PTPRT: variants seen among roughly 807,000 people sequenced by gnomAD.
The protein encoded by PTPRT is protein tyrosine phosphatase receptor type T.
A neutral mutation model predicts 176.8 loss-of-function variants in PTPRT; 56 were observed. The observed-to-expected ratio is 0.32, with a 90% CI of 0.26 to 0.40. The LOEUF (loss-of-function observed/expected upper bound fraction) is 0.40, where lower values mean the gene tolerates loss of function less well. PTPRT is among the 10% of genes least tolerant of loss of function. The pLI is 1.00. For synonymous variants in PTPRT, 783 were observed against 739.0 expected (o/e 1.06, Z -0.96); for missense variants, 1,540 against 1,908.2 (o/e 0.81, Z 3.60).
intron 17 of PTPRT, among the ~76,000 whole-genome samples, chr20:42,158,597 C>T (rs972163053): frequency 6.6e-6 from 1 of 152,120 alleles, no homozygotes; most frequent in Non-Finnish European, 1.5e-5. Flanking sequence ...ATCTGTGACT[C>T]CTATGCTCAG....
At chr20:42,558,221 A>G (rs577828524) in intron 7 of PTPRT, among the ~76,000 whole-genome samples, 2 of 152,138 alleles carry the variant, frequency 1.3e-5, no homozygotes, top group South Asian at 4.1e-4. Flanking sequence ...CCTCCCACTT[A>G]TAAGTGACAA....
intron 27 of PTPRT, among the ~76,000 whole-genome samples, chr20:42,096,127 C>G (rs1231655094): frequency 1.3e-5 from 2 of 152,188 alleles, no homozygotes; most frequent in Non-Finnish European, 2.9e-5. Context: ...AGTCCTCTCA[C>G]CTCCTGGCCA....
intron 17 of PTPRT, among the ~76,000 whole-genome samples, chr20:42,160,372 G>A (rs577686407): frequency 3.3e-5 from 5 of 152,272 alleles, no homozygotes; most frequent in Non-Finnish European, 5.9e-5. Context: ...TCAGAAAAAC[G>A]TCTTAATGCA....
At chr20:42,752,182 C>A (rs1490146453) in intron 6 of PTPRT, among the ~76,000 whole-genome samples, 1 of 152,204 alleles carries the variant, frequency 6.6e-6, no homozygotes, top group Non-Finnish European at 1.5e-5. Flanking sequence ...CCTGTCCCCA[C>A]CCATGGAGTC....
At chr20:42,639,554 G>A (rs571486920) in intron 7 of PTPRT, among the ~76,000 whole-genome samples, 64 of 152,144 alleles carry the variant, frequency 4.2e-4, no homozygotes, top group African/African-American at 1.5e-3. Context: ...GGACACAGGA[G>A]GGTACATTCC....
intron 2 of PTPRT, among the ~76,000 whole-genome samples, chr20:42,809,963 C>T (rs1271894874): frequency 6.6e-6 from 1 of 152,140 alleles, no homozygotes; most frequent in East Asian, 1.9e-4. Context: ...GTAAATGTCA[C>T]TTACCCTCAT....
intron 4 of PTPRT, among the ~76,000 whole-genome samples, chr20:42,774,261 A>G (rs898485315): frequency 2.0e-5 from 3 of 152,194 alleles, no homozygotes; most frequent in Non-Finnish European, 2.9e-5. Flanking sequence ...CTTGAGAAAA[A>G]TAAAGATTTC....
intron 9 of PTPRT, among the ~76,000 whole-genome samples, chr20:42,408,754 C>T (rs550334529): frequency 1.3e-5 from 2 of 152,226 alleles, no homozygotes; most frequent in East Asian, 3.9e-4. Context: ...CTGCCTTCTG[C>T]TGCTATAAAA....
chr20:42,032,375 A>G, the PTPRT span, among the ~76,000 whole-genome samples: 1 of 152,290 alleles, frequency 6.6e-6, no homozygotes, highest in South Asian at 2.1e-4. Flanking sequence ...TGGGCGAACA[A>G]ACTTATTTCA....
intron 1 of PTPRT, among the ~76,000 whole-genome samples, chr20:42,951,868 T>C (rs1981273732): frequency 6.6e-6 from 1 of 152,144 alleles, no homozygotes; most frequent in African/African-American, 2.4e-5. Flanking sequence ...TTGTGGATAA[T>C]TGTACCTATC....
At chr20:42,851,357 C>T (rs1259320365) in intron 2 of PTPRT, among the ~76,000 whole-genome samples, 8 of 152,248 alleles carry the variant, frequency 5.3e-5, no homozygotes, top group East Asian at 3.9e-4. Context: ...CTTTTAACAA[C>T]GCTGATTTCT....
chr20:42,858,198 T>C (rs1451620539), intron 2 of PTPRT, among the ~76,000 whole-genome samples: 2 of 152,186 alleles, frequency 1.3e-5, no homozygotes, highest in African/African-American at 4.8e-5. Flanking sequence ...AAAATAAAAT[T>C]ACTCTGACAC....
intron 1 of PTPRT, among the ~76,000 whole-genome samples, chr20:43,120,625 G>T (rs1242361719): frequency 6.6e-6 from 1 of 152,168 alleles, no homozygotes; most frequent in Non-Finnish European, 1.5e-5. Flanking sequence ...ATCTACTTCT[G>T]TACTGGAGGA....
chr20:42,276,017 CTA>C (rs894182302), intron 13 of PTPRT, among the ~76,000 whole-genome samples: 33 of 152,292 alleles, frequency 2.2e-4, no homozygotes, highest in South Asian at 1.5e-3. Flanking sequence ...TTCCAATAGA[CTA>C]TCTCACTAGA....
At chr20:42,396,027 C>T (rs1305954309) in intron 9 of PTPRT, among the ~76,000 whole-genome samples, 1 of 152,154 alleles carries the variant, frequency 6.6e-6, no homozygotes, top group Non-Finnish European at 1.5e-5. Context: ...CTCTACTTCT[C>T]CCCTGAACTC....
chr20:42,515,552 T>C (rs1489389344), intron 7 of PTPRT, among the ~76,000 whole-genome samples: 1 of 152,176 alleles, frequency 6.6e-6, no homozygotes, highest in Non-Finnish European at 1.5e-5. Context: ...ATTATACTTA[T>C]TATCATTTTT....
At chr20:42,033,173 A>G in the PTPRT span, among the ~76,000 whole-genome samples, 1 of 152,176 alleles carries the variant, frequency 6.6e-6, no homozygotes, top group Non-Finnish European at 1.5e-5. Context: ...ATCACTCTGC[A>G]GACATTTTGG....
rs540930389 is a variant in PTPRT at position 43,059,377 on chromosome 20, A to G, written c.88+130269T>C. ...GGAGGAGCCAAGGCATACCTTCAAC[A>G]TTTTGCTTAGAAAGAGCTTCAGCTA... On this transcript the variant is annotated intron_variant, in intron 1 of 30. Transcript: ENST00000373187. Among the ~76,000 whole-genome samples, 16 of 152,296 alleles carry G rather than the reference A, an allele frequency of 1.1e-4. No homozygotes were observed. In the South Asian group the frequency reaches 3.3e-3, roughly 32 times the overall value.
chr20:42,079,870 A>G lies in PTPRT; in HGVS notation c.*1009T>C, dbSNP rs1001108242. On this transcript the variant is annotated 3_prime_UTR_variant, in exon 31 of 31. Coordinates refer to ENST00000373187, the MANE Select transcript of PTPRT (RefSeq NM_007050.6). Reference sequence around the variant, plus strand: ...GGGAGCTTTTAAGGACATTGCCAGGAAAAAATAAAAGGCCCGAGAGATTTG... The same window carrying G: ...GGGAGCTTTTAAGGACATTGCCAGGGAAAAATAAAAGGCCCGAGAGATTTG... The G allele has an allele frequency of 4.3e-6, 1 of 231,902 alleles. No homozygotes were observed. Among genetic ancestry groups the G allele is most frequent in the African/African-American group, 2.2e-5 (1 of 45,270 alleles). 14.4% of individuals were successfully genotyped at this position (231,902 alleles called of 1,614,324 possible).
Sources: gnomAD v4.1 joint callset for allele counts (sites outside exome capture counted in the v4.1 genomes callset) on GRCh38, gnomAD v4.1.1 for gene constraint, MANE v1.5 for transcripts, NCBI Gene and HGNC (gene_info 2026-07-23, HGNC 2026-07-21) for gene names.